Variants in FMO1 observed in about 807,000 individuals in gnomAD.
FMO1 encodes flavin-containing monooxygenase 1.
A neutral mutation model predicts 45.4 loss-of-function variants in FMO1; 36 were observed. That is an observed-to-expected ratio of 0.79 (90% CI 0.61 to 1.05). The LOEUF (loss-of-function observed/expected upper bound fraction) is 1.05, where lower values mean the gene tolerates loss of function less well. Among genes scored for constraint, FMO1 ranks in the 50% least tolerant of loss-of-function variants. The pLI is 0.00. For synonymous variants in FMO1, 228 were observed against 227.2 expected (o/e 1.00, Z -0.03); for missense variants, 615 against 640.3 (o/e 0.96, Z 0.43).
intron 3 of FMO1, among the ~76,000 whole-genome samples, chr1:171,269,012 C>T (rs964885401): frequency 2.0e-5 from 3 of 152,188 alleles, no homozygotes; most frequent in African/African-American, 7.2e-5. Flanking sequence ...CTGCTTGCTG[C>T]CATGCACGTA....
In FMO1 at chr1:171,275,424, A is replaced by C; in HGVS notation, c.400A>C (p.Lys134Gln). Residue 134 changes from lysine (K) to glutamine (Q), a missense_variant, in exon 4 of 9, where the codon AAG becomes CAG. Lys to Gln is a moderately conservative substitution (Grantham distance 53). Transcript: ENST00000617670. Reference protein sequence around the residue: ...QWEVVTMHEEKQESAIFDAVM... With the variant: ...QWEVVTMHEEQQESAIFDAVM... The stretch of plus-strand genomic sequence containing the variant: ...GGAGGTGGTCACTATGCATGAAGAG[A>C]AGCAAGAGTCAGCCATCTTTGATGC... The C allele has an allele frequency of 6.2e-7, 1 of 1,613,690 alleles. No homozygotes were observed. The highest frequency in any genetic ancestry group is 8.5e-7 in the Non-Finnish European group (1 of 1,179,674).
At chr1:171,260,697 G>A (rs766440068) in intron 2 of FMO1, among the ~76,000 whole-genome samples, 12 of 151,884 alleles carry the variant, frequency 7.9e-5, no homozygotes, top group Admixed American at 2.0e-4. Flanking sequence ...TTGGAAGGCC[G>A]AGGTGGACAG....
chr1:171,281,367 G>A (rs2101842282), intron 6 of FMO1, among the ~76,000 whole-genome samples: 1 of 152,200 alleles, frequency 6.6e-6, no homozygotes, highest in Middle Eastern at 3.4e-3. Context: ...AAACACACTT[G>A]CCCAGTTTCA....
intron 2 of FMO1, among the ~76,000 whole-genome samples, chr1:171,265,669 C>A (rs954223812): frequency 6.6e-6 from 1 of 152,170 alleles, no homozygotes; most frequent in African/African-American, 2.4e-5. Context: ...TATGAAATTG[C>A]AGTTCTCCAT....
In FMO1 at chr1:171,280,921, T is replaced by C. The variant is rs758593707; in HGVS notation, c.763T>C (p.Leu255=). The C allele has an allele frequency of 3.7e-6, 6 of 1,613,926 alleles. No individual in the cohort carries two copies. The highest frequency in any genetic ancestry group is 3.3e-5 in the South Asian group (3 of 91,082). The change falls in exon 6 of 9, where the codon TTG becomes CTG. Residue 255 remains leucine, a synonymous_variant. Transcript: ENST00000617670. ...NSLPTPIVTW[L]MERKINNWLN... ...CCTCCCAACCCCAATTGTGACTTGG[T>C]TGATGGAGCGAAAGATAAACAACTG...
intron 3 of FMO1, chr1:171,270,816 TA>T (rs1284774025): frequency 1.6e-5 from 12 of 767,834 alleles, no homozygotes; most frequent in Non-Finnish European, 2.1e-5. Context: ...GTTAACTTTA[TA>T]AAAAAAGACA....
intron 4 of FMO1, among the ~76,000 whole-genome samples, chr1:171,276,018 T>G (rs1358016498): frequency 6.6e-6 from 1 of 152,206 alleles, no homozygotes; most frequent in Non-Finnish European, 1.5e-5. Context: ...GGAGACAACT[T>G]AAGACATCTT....
chr1:171,280,679 G>T (rs2101840619), intron 5 of FMO1, 107 bp from the exon 6 acceptor site: 2 of 858,782 alleles, frequency 2.3e-6, no homozygotes, highest in Non-Finnish European at 3.8e-6. Flanking sequence ...TTTGAGAGTG[G>T]CAGACTTTTC....
intron 2 of FMO1, among the ~76,000 whole-genome samples, chr1:171,258,860 C>A (rs1050939249): frequency 4.0e-5 from 6 of 150,936 alleles, no homozygotes; most frequent in African/African-American, 1.2e-4. Flanking sequence ...GGGGTGAGGA[C>A]CGAGGAAAGG....
In FMO1 at chr1:171,280,968, C is replaced by A. The variant is rs116815894; in HGVS notation, c.810C>A (p.Gly270=). 2,196 of 1,613,614 alleles carry A rather than the reference C, an allele frequency of 1.4e-3. 26 individuals carry two copies. The African/African-American group carries it at 0.026, about 19-fold the overall frequency. The change falls in exon 6 of 9, where the codon GGC becomes GGA. Residue 270 remains glycine (G), a synonymous_variant. Coordinates refer to ENST00000617670, the MANE Select transcript of FMO1 (RefSeq NM_001282693.2). ...ACTGGCTCAATCATGCAAATTACGG[C>A]TTAATACCAGAAGACAGGTAAATAT... The part of the protein sequence containing the change: ...INNWLNHANY[G]LIPEDRTQLK...
At position 171,285,589 on chromosome 1, in the gene FMO1, T is replaced by C. The variant is rs972838657; in HGVS notation, c.*45T>C. ...GAAGATGCACAGAGTAGATTTACAA[T>C]GCTCCAATTCCTCTCTTACAGCAAT... On this transcript the variant is annotated 3_prime_UTR_variant, in exon 9 of 9. Coordinates refer to ENST00000617670, the MANE Select transcript of FMO1 (RefSeq NM_001282693.2). 4 of 1,163,300 alleles carry C rather than the reference T, an allele frequency of 3.4e-6. No individual in the cohort carries two copies. Among genetic ancestry groups the C allele is most frequent in the Middle Eastern group, 2.0e-4 (1 of 4,894 alleles). The allele number at this position is 1,163,300 out of a possible 1,614,324, so 72.1% of individuals were successfully genotyped here. A position where few individuals can be genotyped will look rare whatever the true frequency, so the allele number is the denominator to read the frequency against.
chr1:171,265,859 G>C (rs1219857862), intron 2 of FMO1, among the ~76,000 whole-genome samples: 1 of 152,162 alleles, frequency 6.6e-6, no homozygotes, highest in Non-Finnish European at 1.5e-5. Context: ...TTGCTTAACA[G>C]CAGTCAAAGT....
At chr1:171,260,708 A>T (rs562112425) in intron 2 of FMO1, among the ~76,000 whole-genome samples, 4 of 151,982 alleles carry the variant, frequency 2.6e-5, no homozygotes, top group Non-Finnish European at 5.9e-5. Flanking sequence ...AGGTGGACAG[A>T]TCACCTGAGG....
intron 7 of FMO1, 58 bp from the exon 8 acceptor site, chr1:171,283,086 A>T: frequency 1.1e-6 from 1 of 878,830 alleles, no homozygotes; most frequent in Non-Finnish European, 1.9e-6. Flanking sequence ...TTTATCCATA[A>T]GTCAACAGCT....
rs1446010599 is a variant in FMO1, at chr1:171,257,956, C to G, written c.-6-126C>G. 3.8e-6 allele frequency: 4 copies of G among 1,057,132 alleles called. No homozygotes were observed. In the Admixed American group the frequency reaches 6.2e-5, roughly 16 times the overall value. The allele number at this position is 1,057,132 out of a possible 1,614,324, so 65.5% of individuals were successfully genotyped here. A position where few individuals can be genotyped will look rare whatever the true frequency, so the allele number is the denominator to read the frequency against. On this transcript the variant is annotated intron_variant, in intron 1 of 8. Coordinates refer to ENST00000617670, the MANE Select transcript of FMO1 (RefSeq NM_001282693.2). The stretch of plus-strand genomic sequence containing the variant: ...CTTCTCACATTCACACACCAGAGAC[C>G]CGCTACAGAAGATTCAAACTGAGCA...
In FMO1 at chr1:171,267,627, C is replaced by T. The variant is rs1235579702; in HGVS notation, c.217C>T (p.Pro73Ser). Residue 73 changes from proline (P) to serine (S), a missense_variant, in exon 3 of 9, where the codon CCA becomes TCA. Pro to Ser is a moderately conservative substitution (Grantham distance 74). Coordinates refer to ENST00000617670, the MANE Select transcript of FMO1 (RefSeq NM_001282693.2). Reference protein sequence around the residue: ...CKEMSCYSDFPFPEDYPNYVP... With the variant: ...CKEMSCYSDFSFPEDYPNYVP... ...GGAGATGTCTTGTTACTCAGACTTT[C>T]CATTCCCAGAAGATTATCCAAACTA... The T allele has an allele frequency of 5.6e-6, 9 of 1,613,792 alleles. No individual in the cohort carries two copies. Among genetic ancestry groups the T allele is most frequent in the Non-Finnish European group, 7.6e-6 (9 of 1,179,770 alleles).
At chr1:171,285,062 T>C (rs1034148346) in intron 8 of FMO1, 140 bp from the exon 9 acceptor site, 7 of 558,918 alleles carry the variant, frequency 1.3e-5, no homozygotes, top group Admixed American at 3.4e-5. Context: ...GACCGTTAGA[T>C]AGGTAGGGAA....
At chr1:171,271,071 CT>C (rs1660841084) in intron 3 of FMO1, 6 of 967,290 alleles carry the variant, frequency 6.2e-6, no homozygotes, top group South Asian at 1.4e-5. Context: ...TGATAAATCC[CT>C]TTTTTGCTGC....
intron 1 of FMO1, among the ~76,000 whole-genome samples, chr1:171,255,214 C>T (rs1660098737): frequency 6.6e-6 from 1 of 152,190 alleles, no homozygotes; most frequent in Non-Finnish European, 1.5e-5. Flanking sequence ...AATTTTAGAG[C>T]TTGAAATGCT....
Sources: allele counts gnomAD v4.1 joint callset (sites outside exome capture counted in the v4.1 genomes callset), GRCh38; gene constraint gnomAD v4.1.1; transcripts MANE v1.5; gene names NCBI Gene and HGNC (gene_info 2026-07-23, HGNC 2026-07-21).